Variants in LMTK3 observed in about 807,000 individuals in gnomAD.
LMTK3 encodes serine/threonine-protein kinase LMTK3.
A neutral mutation model predicts 116.7 loss-of-function variants in LMTK3; 27 were observed. The observed-to-expected ratio is 0.23, with a 90% CI of 0.17 to 0.32. LMTK3 has a LOEUF of 0.32. Among genes scored for constraint, LMTK3 ranks in the 10% least tolerant of loss-of-function variants. LMTK3 has a pLI of 1.00. For synonymous variants in LMTK3, 965 were observed against 971.0 expected (o/e 0.99, Z 0.11); for missense variants, 1,764 against 2,068.5 (o/e 0.85, Z 2.86).
At chr19:48,510,812 A>T (rs1972645944) in intron 1 of LMTK3, among the ~76,000 whole-genome samples, 1 of 152,018 alleles carries the variant, frequency 6.6e-6, no homozygotes, top group Non-Finnish European at 1.5e-5. Context: ...TCTCGTCCCA[A>T]ACTGGGACCC....
chr19:48,491,799 G>T lies in LMTK3; in HGVS notation c.4093-260C>A, dbSNP rs1437748186. On this transcript the variant is annotated intron_variant, in intron 12 of 14. Coordinates refer to ENST00000600059, the MANE Select transcript of LMTK3 (RefSeq NM_001388485.1). This position sits in a 1 kb window ranked among gnomAD's most constrained non-coding sequence, Gnocchi z 5.1. Reference sequence around the variant, plus strand: ...GCGCACAGCTAAGTAGCCCAACGCAGGGATTCTCTCCTGGCTCATTAACGT... The same window carrying T: ...GCGCACAGCTAAGTAGCCCAACGCATGGATTCTCTCCTGGCTCATTAACGT... Among the ~76,000 whole-genome samples, 1 of 152,134 alleles carries T rather than the reference G, an allele frequency of 6.6e-6. No homozygotes were observed. The highest frequency in any genetic ancestry group is 2.4e-5 in the African/African-American group (1 of 41,410).
intron 1 of LMTK3, 131 bp from the exon 2 acceptor site, chr19:48,510,723 G>T: frequency 9.2e-7 from 1 of 1,083,012 alleles, no homozygotes; most frequent in Non-Finnish European, 1.3e-6. Context: ...CTTGGCAGAG[G>T]TGCAGAGTGG....
chr19:48,498,271 T>C lies in LMTK3; in HGVS notation c.2798A>G (p.Asp933Gly). ...CTCCTCGATGCCTGGGGCTCTCTGG[T>C]CCCCGTTCTCCAGCACTGTCACCCC... ...VNGVTVLENGDQRAPGIEEKA... is the reference protein window; with the variant it reads ...VNGVTVLENGGQRAPGIEEKA... Residue 933 changes from aspartate (D) to glycine (G), a missense_variant, in exon 11 of 15, where the codon GAC becomes GGC. Around this residue, in one of 7 missense-constraint regions of LMTK3, gnomAD observed 1,028 missense variants for 1,050.6 expected, o/e 0.98. Coordinates refer to ENST00000600059, the MANE Select transcript of LMTK3 (RefSeq NM_001388485.1). 6.2e-7 allele frequency: 1 copy of C among 1,613,310 alleles called. No homozygotes were observed. Among genetic ancestry groups the C allele is most frequent in the South Asian group, 1.1e-5 (1 of 91,060 alleles).
chr19:48,497,555 CCTCCGGCCTGGCTCTCGGGGGCGCTGG>C lies in LMTK3; in HGVS notation c.3487_3513del (p.Pro1163_Glu1171del). ...GCCCCGGGCTCTCCCTCGGGGGCCA[CCTCCGGCCTGGCTCTCGGGGGCGCTGG>C]CTCCAGCCTCCTCGGCTGTGCCTCC... On this transcript the variant is annotated inframe_deletion, in exon 11 of 15. Transcript: ENST00000600059. The surrounding 1 kb of genome is among the most constrained non-coding windows in gnomAD (Gnocchi z 5.7). 7.3e-7 allele frequency: 1 copy of C among 1,364,496 alleles called. No homozygotes were observed. The highest frequency in any genetic ancestry group is 9.5e-7 in the Non-Finnish European group (1 of 1,055,576). The allele number at this position is 1,364,496 out of a possible 1,614,324, so 84.5% of individuals were successfully genotyped here. A position where few individuals can be genotyped will look rare whatever the true frequency, so the allele number is the denominator to read the frequency against.
chr19:48,502,591 A>G lies in LMTK3; in HGVS notation c.646-10T>C, dbSNP rs745358073. The G allele has an allele frequency of 9.2e-6, 14 of 1,525,836 alleles. No homozygotes were observed. Among genetic ancestry groups the G allele is most frequent in the African/African-American group, 1.4e-5 (1 of 71,584 alleles). 94.5% of individuals were successfully genotyped at this position (1,525,836 alleles called of 1,614,324 possible). A position where few individuals can be genotyped will look rare whatever the true frequency, so the allele number is the denominator to read the frequency against. On this transcript the variant is annotated splice_polypyrimidine_tract_variant and intron_variant, in intron 6 of 14. Transcript: ENST00000600059. ...AACGCTTCAGGTCCCCCTGGGAGGG[A>G]GGCAAAGAAGGTCAGCACCACCAGC...
chr19:48,509,538 C>T, intron 3 of LMTK3, 25 bp from the exon 4 acceptor site: 2 of 1,532,068 alleles, frequency 1.3e-6, no homozygotes, highest in East Asian at 2.4e-5. Context: ...AGGGGAAAGC[C>T]CCTGAGTCTC....
intron 12 of LMTK3, among the ~76,000 whole-genome samples, chr19:48,492,741 T>G (rs1972247670): frequency 6.6e-6 from 1 of 151,994 alleles, no homozygotes; most frequent in Non-Finnish European, 1.5e-5. Context: ...AGGCCTCTTC[T>G]CAACACTTCC....
intron 5 of LMTK3, among the ~76,000 whole-genome samples, chr19:48,508,453 G>A (rs756653880): frequency 6.6e-6 from 1 of 152,062 alleles, no homozygotes; most frequent in Non-Finnish European, 1.5e-5. Flanking sequence ...GGCCTGCTCG[G>A]GCACCTGCTC....
chr19:48,488,896 T>C (rs1029538582), intron 14 of LMTK3, among the ~76,000 whole-genome samples: 20 of 152,230 alleles, frequency 1.3e-4, no homozygotes, highest in African/African-American at 2.2e-4. Flanking sequence ...TGCGCCACCA[T>C]ACCCAACTAA....
At chr19:48,503,085 C>T (rs1972502023) in intron 5 of LMTK3, 89 bp from the exon 6 acceptor site, 4 of 775,770 alleles carry the variant, frequency 5.2e-6, no homozygotes, top group Non-Finnish European at 9.0e-6. Context: ...CTGCTGCCTC[C>T]ACCCTTTTTT....
chr19:48,511,572 G>A lies in LMTK3; in HGVS notation c.5C>T (p.Pro2Leu). The change falls in exon 1 of 15, where the codon CCT becomes CTT. Residue 2 changes from proline (P) to leucine (L), a missense_variant. By Grantham distance (98) the Pro-to-Leu change is moderately conservative (BLOSUM62 -3). Around this residue, in one of 7 missense-constraint regions of LMTK3, gnomAD observed 66 missense variants for 61.1 expected, o/e 1.08. Transcript: ENST00000600059. M[P>L]APGALILLAA... The stretch of plus-strand genomic sequence containing the variant: ...AAGGAGGATGAGGGCGCCGGGGGCA[G>A]GCATCTTGTCGAGGATGGCAGGGAG... The A allele has an allele frequency of 7.0e-7, 1 of 1,423,760 alleles. No individual in the cohort carries two copies. The highest frequency in any genetic ancestry group is 9.3e-7 in the Non-Finnish European group (1 of 1,074,344). The allele number at this position is 1,423,760 out of a possible 1,614,324, so 88.2% of individuals were successfully genotyped here.
intron 6 of LMTK3, 121 bp from the exon 7 acceptor site, chr19:48,502,702 C>T: frequency 1.6e-6 from 2 of 1,220,898 alleles, no homozygotes; most frequent in Non-Finnish European, 2.2e-6. Context: ...GTTTCCTCTG[C>T]TGCTTGCAGC....
In LMTK3 at chr19:48,499,167, G is replaced by C. The variant is rs374268152; in HGVS notation, c.1902C>G (p.Thr634=). The change falls in exon 11 of 15, where the codon ACC becomes ACG. Residue 634 remains threonine, a synonymous_variant. Transcript: ENST00000600059. ...CCTCTTCTTCTTCCACCCACGGGGC[G>C]GTCCCCCGCTCCCCCAAGACCTCGG... is the stretch of plus-strand genomic sequence containing the variant. ...DPAEVLGERG[T]APWVEEEEEE... 25 of 1,502,960 alleles carry C rather than the reference G, an allele frequency of 1.7e-5. 1 individual carries two copies. The highest frequency in any genetic ancestry group is 7.4e-5 in the East Asian group (3 of 40,400). 93.1% of individuals were successfully genotyped at this position (1,502,960 alleles called of 1,614,324 possible).
At chr19:48,489,223 G>A (rs925529246) in intron 14 of LMTK3, among the ~76,000 whole-genome samples, 5 of 152,198 alleles carry the variant, frequency 3.3e-5, no homozygotes, top group Admixed American at 6.5e-5. Context: ...GCGCCTGCAC[G>A]CAGAAGATGA....
At chr19:48,513,021 A>G (rs1198453576), upstream of LMTK3, 6 of 826,698 alleles carry the variant, frequency 7.3e-6, no homozygotes, top group Non-Finnish European at 1.2e-5. This position sits in a 1 kb window ranked among gnomAD's most constrained non-coding sequence, Gnocchi z 5.6. Flanking sequence ...ACAGAACCCC[A>G]CCACAGTCAC....
chr19:48,485,642 G>A lies in LMTK3; in HGVS notation c.*131C>T. Reference sequence around the variant, plus strand: ...TTTGGCACATGGTAGGGGAGTGGGAGGGGGAGGGCCCAGCCTCGGGGGCCT... The same window carrying A: ...TTTGGCACATGGTAGGGGAGTGGGAAGGGGAGGGCCCAGCCTCGGGGGCCT... On this transcript the variant is annotated 3_prime_UTR_variant, in exon 15 of 15. Transcript: ENST00000600059. 2 of 999,980 alleles carry A rather than the reference G, an allele frequency of 2.0e-6. No individual in the cohort carries two copies. Among genetic ancestry groups the A allele is most frequent in the South Asian group, 2.9e-5 (2 of 70,134 alleles). The allele number at this position is 999,980 out of a possible 1,614,324, so 61.9% of individuals were successfully genotyped here. A position where few individuals can be genotyped will look rare whatever the true frequency, so the allele number is the denominator to read the frequency against.
At chr19:48,486,399 A>G (rs1972126226) in intron 14 of LMTK3, among the ~76,000 whole-genome samples, 2 of 151,840 alleles carry the variant, frequency 1.3e-5, no homozygotes, top group South Asian at 4.2e-4. Context: ...CCCCACCTGC[A>G]ACGTCCCCTC....
rs754062674 is a variant in LMTK3 at position 48,499,063 on chromosome 19, C to G, written c.2006G>C (p.Cys669Ser). ...GGPSRRGPLP[C>S]PLCSREGACS... is the part of the protein sequence containing the mutation. ...GGCCCCCTCGCGGCTGCACAGGGGA[C>G]AGGGTAGGGGACCCCGGCGGCTTGG... Residue 669 changes from cysteine to serine, a missense_variant, in exon 11 of 15, where the codon TGT becomes TCT. By Grantham distance (112) the Cys-to-Ser change is moderately radical. Coordinates refer to ENST00000600059, the MANE Select transcript of LMTK3 (RefSeq NM_001388485.1). 51 of 1,537,096 alleles carry G rather than the reference C, an allele frequency of 3.3e-5. No homozygotes were observed. The highest frequency in any genetic ancestry group is 7.0e-6 in the Non-Finnish European group (8 of 1,146,536).
intron 9 of LMTK3, 50 bp from the exon 10 acceptor site, chr19:48,501,195 T>G: frequency 6.2e-7 from 1 of 1,604,616 alleles, no homozygotes; most frequent in Non-Finnish European, 8.5e-7. Context: ...CACCCGGGCC[T>G]CATTTTCCCC....
Sources: gnomAD v4.1 joint callset for allele counts (sites outside exome capture counted in the v4.1 genomes callset) on GRCh38, gnomAD v4.1.1 for gene constraint, gnomAD v4.1.1 regional missense constraint, Gnocchi (gnomAD v3.1) non-coding constraint, MANE v1.5 for transcripts, NCBI Gene and HGNC (gene_info 2026-07-23, HGNC 2026-07-21) for gene names.